The following FUT8 variants were observed in gnomAD, a reference collection of about 807,000 sequenced individuals.
FUT8 encodes alpha-(1,6)-fucosyltransferase.
A neutral mutation model predicts 71.3 loss-of-function variants in FUT8; 29 were observed. The observed-to-expected ratio is 0.41, with a 90% CI of 0.30 to 0.55. The LOEUF (loss-of-function observed/expected upper bound fraction) is 0.55. Among genes scored for constraint, FUT8 ranks in the 20% least tolerant of loss-of-function variants. The pLI, the probability that FUT8 is intolerant of heterozygous loss-of-function variation, is 0.34. For missense variants in FUT8, 544 were observed against 702.1 expected (o/e 0.77, Z 2.55); for synonymous variants, 254 against 239.3 (o/e 1.06, Z -0.57).
intron 1 of FUT8, among the ~76,000 whole-genome samples, chr14:65,447,878 C>T (rs555884789): frequency 6.6e-6 from 1 of 152,094 alleles, no homozygotes; most frequent in Admixed American, 6.5e-5. Context: ...TAAACCTCTT[C>T]GTTTCTGTTT....
At chr14:65,565,306 C>T (rs1467456778) in intron 3 of FUT8, among the ~76,000 whole-genome samples, 2 of 151,914 alleles carry the variant, frequency 1.3e-5, no homozygotes, top group African/African-American at 2.4e-5. Context: ...CCTGCCAATA[C>T]TGCCATGTTG....
intron 6 of FUT8, among the ~76,000 whole-genome samples, chr14:65,646,821 C>T (rs1891146538): frequency 6.6e-6 from 1 of 152,116 alleles, no homozygotes; most frequent in Non-Finnish European, 1.5e-5. Context: ...TAAATGCATA[C>T]AAATACATCT....
chr14:65,555,707 T>A (rs1356789857), intron 2 of FUT8, among the ~76,000 whole-genome samples: 2 of 152,222 alleles, frequency 1.3e-5, no homozygotes, highest in Non-Finnish European at 2.9e-5. Flanking sequence ...TCTCAGACAT[T>A]ACAGTCTTCT....
At chr14:65,486,173 C>G (rs145104590) in intron 2 of FUT8, among the ~76,000 whole-genome samples, 50 of 152,098 alleles carry the variant, frequency 3.3e-4, no homozygotes, top group African/African-American at 1.1e-3. Context: ...CTATTATATA[C>G]AAATTGTATT....
intron 3 of FUT8, among the ~76,000 whole-genome samples, chr14:65,584,544 G>A (rs1887271398): frequency 6.6e-6 from 1 of 152,144 alleles, no homozygotes; most frequent in Non-Finnish European, 1.5e-5. Flanking sequence ...GTGAATTACT[G>A]TCTATCACTG....
At position 65,741,607 on chromosome 14, in the gene FUT8, T is replaced by G. The variant is rs187231755; in HGVS notation, c.1411-486T>G. ...ACAGTTCTGACACCAAGTTATAAAT[T>G]AGCAGATGAGAATGTGTGATTGATT... is the stretch of plus-strand genomic sequence containing the variant. On this transcript the variant is annotated intron_variant, in intron 10 of 10. Coordinates refer to ENST00000673929, the MANE Select transcript of FUT8 (RefSeq NM_001371533.1). Among the ~76,000 whole-genome samples, 86 of 152,072 alleles carry G rather than the reference T, an allele frequency of 5.7e-4. 1 individual carries two copies. Among genetic ancestry groups the G allele is most frequent in the East Asian group, 3.9e-4 (2 of 5,148 alleles).
At chr14:65,659,867 G>A (rs1006912208) in intron 6 of FUT8, among the ~76,000 whole-genome samples, 10 of 152,132 alleles carry the variant, frequency 6.6e-5, no homozygotes, top group African/African-American at 2.4e-4. Context: ...AAATGATGAC[G>A]GAGGACCTTT....
chr14:65,609,481 C>A (rs954618562), intron 3 of FUT8, among the ~76,000 whole-genome samples: 3 of 151,786 alleles, frequency 2.0e-5, no homozygotes, highest in African/African-American at 4.8e-5. Flanking sequence ...AGGTATATTT[C>A]TTGTTTTCCT....
At chr14:65,553,953 T>C (rs896520209) in intron 2 of FUT8, among the ~76,000 whole-genome samples, 1 of 152,090 alleles carries the variant, frequency 6.6e-6, no homozygotes, top group Non-Finnish European at 1.5e-5. Flanking sequence ...TTTTTTACTT[T>C]GGAAAATTCC....
At chr14:65,547,840 C>G (rs1259977930) in intron 2 of FUT8, among the ~76,000 whole-genome samples, 1 of 151,864 alleles carries the variant, frequency 6.6e-6, no homozygotes, top group African/African-American at 2.4e-5. Context: ...ATGGTACATT[C>G]ATCTAAACTA....
chr14:65,687,404 A>G (rs1482542235), intron 7 of FUT8, among the ~76,000 whole-genome samples: 2 of 152,192 alleles, frequency 1.3e-5, no homozygotes, highest in Non-Finnish European at 2.9e-5. Flanking sequence ...GGATTTAATT[A>G]CATTTGTATC....
intron 2 of FUT8, among the ~76,000 whole-genome samples, chr14:65,537,309 G>A (rs923886371): frequency 4.6e-5 from 7 of 151,748 alleles, no homozygotes; most frequent in Admixed American, 2.6e-4. Context: ...TAGTCATTGG[G>A]AGGAAAGAAG....
the FUT8 span, among the ~76,000 whole-genome samples, chr14:65,364,550 G>A: frequency 6.6e-6 from 1 of 152,124 alleles, no homozygotes; most frequent in African/African-American, 2.4e-5. Context: ...CGCCCTTATC[G>A]TTCTCAGCAT....
rs150659338 is a variant in FUT8, at chr14:65,664,622, G to GTA, written c.598-4620_598-4619dup. On this transcript the variant is annotated intron_variant, in intron 6 of 10. Transcript: ENST00000673929. ...AATATGAAAGGTACTTCTTCTGGAG[G>GTA]TAACTTGTAGTTTCCCTTCTCAGTC... Among the ~76,000 whole-genome samples the GTA allele has an allele frequency of 2.4e-3, 371 of 152,200 alleles. 3 individuals carry two copies. The highest frequency in any genetic ancestry group is 5.9e-3 in the Admixed American group (90 of 15,276).
intron 2 of FUT8, chr14:65,457,927 A>T (rs1314867812): frequency 1.3e-5 from 2 of 152,152 alleles, no homozygotes; most frequent in African/African-American, 4.8e-5. Context: ...TCACGCCTGT[A>T]ATCCCAGCAC....
intron 5 of FUT8, among the ~76,000 whole-genome samples, chr14:65,617,385 T>C (rs1889342027): frequency 1.3e-5 from 2 of 152,192 alleles, no homozygotes; most frequent in African/African-American, 2.4e-5. Flanking sequence ...GGACAGACTT[T>C]TTGATATATT....
Position 65,439,541 on chromosome 14 carries a change from T to A in FUT8, c.-325-16080T>A, listed in dbSNP as rs550740494. Among the ~76,000 whole-genome samples, 605 of 152,266 alleles carry A rather than the reference T, an allele frequency of 4.0e-3. 4 individuals are homozygous for A. Among genetic ancestry groups the A allele is most frequent in the African/African-American group, 0.014 (590 of 41,560 alleles). ...AATGTAAATAAATATATTTAAAAAA[T>A]TTTAAAGGGTGATAGAAACTATTTC... On this transcript the variant is annotated intron_variant, in intron 1 of 10. Transcript: ENST00000673929.
chr14:65,627,757 T>G lies in FUT8; in HGVS notation c.483-1735T>G, dbSNP rs899166592. On this transcript the variant is annotated intron_variant, in intron 5 of 10. Transcript: ENST00000673929. This position sits in a 1 kb window ranked among gnomAD's most constrained non-coding sequence, Gnocchi z 4.0. ...GCGTTTGAGCCAACTCACACAACTC[T>G]TGAAAACTTATCAGGAAGCTGCTGA... 6.6e-6 allele frequency among the ~76,000 whole-genome samples: 1 copy of G among 152,236 alleles called. No homozygotes were observed. The highest frequency in any genetic ancestry group is 6.5e-5 in the Admixed American group (1 of 15,280).
intron 5 of FUT8, among the ~76,000 whole-genome samples, chr14:65,624,937 A>T (rs1889816675): frequency 6.6e-6 from 1 of 152,156 alleles, no homozygotes; most frequent in Non-Finnish European, 1.5e-5. Context: ...GTGGTGGTGC[A>T]TGCCTGTAAT....
Sources: allele counts gnomAD v4.1 joint callset (sites outside exome capture counted in the v4.1 genomes callset), GRCh38; gene constraint gnomAD v4.1.1; non-coding constraint Gnocchi (gnomAD v3.1); transcripts MANE v1.5; gene names NCBI Gene and HGNC (gene_info 2026-07-23, HGNC 2026-07-21).